The following LRP1B variants were observed in gnomAD, a reference collection of about 807,000 sequenced individuals.
LRP1B encodes the protein low-density lipoprotein receptor-related protein 1B.
LRP1B carries 217 observed loss-of-function variants against 556.6 expected under a neutral mutation model. The observed-to-expected ratio is 0.39, with a 90% CI of 0.35 to 0.44. The LOEUF is 0.44. Ranked by LOEUF, LRP1B falls within the 20% of genes least tolerant of loss-of-function variation. The pLI is 1.00. For missense variants in LRP1B, 5,053 were observed against 5,620.8 expected (o/e 0.90, Z 3.23); for synonymous variants, 2,047 against 1,865.8 (o/e 1.10, Z -2.50).
At chr2:141,022,706 C>T (rs1418305143) in intron 11 of LRP1B, among the ~76,000 whole-genome samples, 4 of 151,870 alleles carry the variant, frequency 2.6e-5, no homozygotes, top group African/African-American at 9.7e-5. Context: ...GCCAAACAAA[C>T]ATCAGTGACT....
intron 77 of LRP1B, among the ~76,000 whole-genome samples, chr2:140,341,722 T>C (rs1456748253): frequency 6.6e-6 from 1 of 151,360 alleles, no homozygotes; most frequent in East Asian, 1.9e-4. Context: ...TTTATAGCTA[T>C]GTAAGAAAAT....
chr2:141,667,718 A>C (rs1690497272), intron 2 of LRP1B, among the ~76,000 whole-genome samples: 1 of 152,104 alleles, frequency 6.6e-6, no homozygotes, highest in African/African-American at 2.4e-5. Flanking sequence ...ATTACACATC[A>C]CATTTTGGTA....
At chr2:141,899,588 G>A (rs1221317246) in intron 1 of LRP1B, among the ~76,000 whole-genome samples, 1 of 152,032 alleles carries the variant, frequency 6.6e-6, no homozygotes, top group African/African-American at 2.4e-5. Context: ...GTATAAATTG[G>A]ACTTGTCTTC....
intron 41 of LRP1B, among the ~76,000 whole-genome samples, chr2:140,607,988 A>C (rs990902678): frequency 8.6e-5 from 13 of 151,968 alleles, no homozygotes; most frequent in African/African-American, 2.9e-4. Context: ...CACATCAGTA[A>C]ATACATTAAT....
rs1157732962 is a variant in LRP1B, at chr2:141,568,142, A to T, written c.206-87609T>A. On this transcript the variant is annotated intron_variant, in intron 2 of 90. Transcript: ENST00000389484. ...CTATTATATGTAGAAACAAAAACAT[A>T]ACTAACCAAGGAAAGAAGCTTGGAC... 2.0e-5 allele frequency among the ~76,000 whole-genome samples: 3 copies of T among 151,176 alleles called. 1 individual carries two copies. The highest frequency in any genetic ancestry group is 4.2e-4 in the South Asian group (2 of 4,790).
chr2:140,808,048 C>T (rs1190592455), intron 32 of LRP1B, among the ~76,000 whole-genome samples: 8 of 152,050 alleles, frequency 5.3e-5, no homozygotes, highest in Non-Finnish European at 4.4e-5. Context: ...GCCAAGATTA[C>T]GCCACTGCAT....
At chr2:140,607,902 T>G (rs1439418082) in intron 41 of LRP1B, among the ~76,000 whole-genome samples, 1 of 152,018 alleles carries the variant, frequency 6.6e-6, no homozygotes, top group Non-Finnish European at 1.5e-5. Flanking sequence ...GCAATAGATT[T>G]TAATATGGAT....
At chr2:141,620,519 A>G (rs1210603986) in intron 2 of LRP1B, among the ~76,000 whole-genome samples, 1 of 152,232 alleles carries the variant, frequency 6.6e-6, no homozygotes, top group African/African-American at 2.4e-5. Flanking sequence ...CTAGAATTTC[A>G]TTACAGACAT....
intron 1 of LRP1B, among the ~76,000 whole-genome samples, chr2:141,901,812 T>G (rs927311872): frequency 6.6e-6 from 1 of 151,948 alleles, no homozygotes. Context: ...TATTCTAATA[T>G]GTTGAACAGT....
At chr2:141,286,636 A>C (rs984067494) in intron 3 of LRP1B, 6 of 305,780 alleles carry the variant, frequency 2.0e-5, no homozygotes, top group Admixed American at 1.7e-4. Flanking sequence ...TAACATCTTT[A>C]ATCGATACAA....
chr2:140,384,854 A>G (rs780573722), intron 67 of LRP1B, among the ~76,000 whole-genome samples: 1 of 152,214 alleles, frequency 6.6e-6, no homozygotes, highest in African/African-American at 2.4e-5. Context: ...TCTTGGAAGT[A>G]CCAGATATAA....
intron 3 of LRP1B, among the ~76,000 whole-genome samples, chr2:141,424,898 A>C (rs2104971636): frequency 6.6e-6 from 1 of 152,250 alleles, no homozygotes; most frequent in African/African-American, 2.4e-5. Flanking sequence ...GGAATGCAAA[A>C]TTGTGCTGCT....
chr2:141,447,582 C>T (rs527850830), intron 3 of LRP1B, among the ~76,000 whole-genome samples: 1 of 152,072 alleles, frequency 6.6e-6, no homozygotes, highest in South Asian at 2.1e-4. Flanking sequence ...TGGTGACCTT[C>T]GAATGGGTTT....
chr2:141,166,267 C>T (rs1013446430), intron 7 of LRP1B, among the ~76,000 whole-genome samples: 1 of 151,884 alleles, frequency 6.6e-6, no homozygotes, highest in African/African-American at 2.4e-5. Flanking sequence ...TCTACGTTCT[C>T]ACTTTCCTTC....
At chr2:141,582,733 A>G (rs1331403449) in intron 2 of LRP1B, among the ~76,000 whole-genome samples, 1 of 152,026 alleles carries the variant, frequency 6.6e-6, no homozygotes, top group African/African-American at 2.4e-5. Flanking sequence ...GGGAATACGA[A>G]ATTTATCAAA....
At chr2:142,074,979 C>T (rs1013959256) in intron 1 of LRP1B, among the ~76,000 whole-genome samples, 2 of 152,086 alleles carry the variant, frequency 1.3e-5, no homozygotes, top group African/African-American at 2.4e-5. Flanking sequence ...AAACTTCTAG[C>T]TCCCTGCGAT....
chr2:141,267,074 G>C (rs534832168), intron 3 of LRP1B, among the ~76,000 whole-genome samples: 99 of 152,266 alleles, frequency 6.5e-4, no homozygotes, highest in Non-Finnish European at 1.2e-3. Flanking sequence ...CAGTAATTCA[G>C]TAGAAGTACT....
intron 5 of LRP1B, among the ~76,000 whole-genome samples, chr2:141,235,096 A>G (rs879935313): frequency 2.0e-5 from 3 of 152,142 alleles, no homozygotes; most frequent in Non-Finnish European, 4.4e-5. Context: ...TATAGAAATA[A>G]TATATAAATC....
chr2:140,344,884 A>G (rs114080722), intron 77 of LRP1B, among the ~76,000 whole-genome samples: 3,079 of 151,866 alleles, frequency 0.02, 35 homozygotes, highest in African/African-American at 0.028. Flanking sequence ...CAAGCAAAAG[A>G]GACTGAGTAA....
Sources: allele counts gnomAD v4.1 joint callset (sites outside exome capture counted in the v4.1 genomes callset), GRCh38; gene constraint gnomAD v4.1.1; transcripts MANE v1.5; gene names NCBI Gene and HGNC (gene_info 2026-07-23, HGNC 2026-07-21).